Variants in CDH22 observed in about 807,000 individuals in gnomAD.
CDH22 encodes the protein cadherin-22.
Under a neutral mutation model 58.4 loss-of-function variants are expected in CDH22, and 30 were observed. The observed-to-expected ratio is 0.51, with a 90% CI of 0.38 to 0.70. The LOEUF (loss-of-function observed/expected upper bound fraction) is 0.70, where lower values mean the gene tolerates loss of function less well. Ranked by LOEUF, CDH22 falls within the 30% of genes least tolerant of loss-of-function variation. The pLI is 0.00. For missense variants in CDH22, 1,014 were observed against 1,233.9 expected, an observed-to-expected ratio of 0.82 and a Z score of 2.67; for synonymous variants, 513 against 558.2, an observed-to-expected ratio of 0.92 and a Z score of 1.14.
At chr20:46,215,468 G>A (rs73295811) in intron 5 of CDH22, among the ~76,000 whole-genome samples, 3,192 of 152,226 alleles carry the variant, frequency 0.021, 102 homozygotes, top group African/African-American at 0.072. Context: ...TGATGCCTGC[G>A]TAGATGAACA....
At chr20:46,252,765 G>T (rs2086386401) in intron 1 of CDH22, among the ~76,000 whole-genome samples, 2 of 152,236 alleles carry the variant, frequency 1.3e-5, no homozygotes. Context: ...GGGGTGGAAG[G>T]TGAAACCCTT....
In CDH22 at chr20:46,210,349, A is replaced by G; in HGVS notation, c.1244T>C (p.Val415Ala). The G allele has an allele frequency of 2.0e-6, 3 of 1,467,020 alleles. No homozygotes were observed. The highest frequency in any genetic ancestry group is 2.7e-6 in the Non-Finnish European group (3 of 1,113,286). 90.9% of individuals were successfully genotyped at this position (1,467,020 alleles called of 1,614,324 possible). Reference protein sequence around the residue: ...EDAQVGSLVGVVTARDPDAAN... With the variant: ...EDAQVGSLVGAVTARDPDAAN... ...GGCGTCGGGGTCCCGCGCCGTCACC[A>G]CGCCGACCAGGGAGCCCACCTGCGC... The change falls in exon 7 of 12, where the codon GTG becomes GCG. Residue 415 changes from valine (V) to alanine (A), a missense_variant. Physicochemically the swap from Val to Ala is moderately conservative, Grantham distance 64. This residue lies in a region of CDH22 where 806 missense variants were observed against 1,038.7 expected (regional missense o/e 0.78). Coordinates refer to ENST00000537909, the MANE Select transcript of CDH22 (RefSeq NM_021248.3). The surrounding 1 kb of genome is among the most constrained non-coding windows in gnomAD (Gnocchi z 4.5).
At chr20:46,290,245 T>C (rs1354782729) in intron 1 of CDH22, among the ~76,000 whole-genome samples, 11 of 152,192 alleles carry the variant, frequency 7.2e-5, no homozygotes. Context: ...AAGCTCACAA[T>C]ATATAGTCAA....
intron 1 of CDH22, among the ~76,000 whole-genome samples, chr20:46,305,481 C>A (rs1410638755): frequency 1.3e-5 from 2 of 152,220 alleles, no homozygotes; most frequent in Non-Finnish European, 2.9e-5. Flanking sequence ...CAGCCCCTAG[C>A]ACCCTTCCTG....
At chr20:46,202,369 T>A (rs2085967634) in intron 7 of CDH22, among the ~76,000 whole-genome samples, 1 of 151,728 alleles carries the variant, frequency 6.6e-6, no homozygotes, top group Non-Finnish European at 1.5e-5. Context: ...TTTTTTTTTT[T>A]TTGAGACGGA....
At chr20:46,304,144 GGATCCTGAAGTCAGAGACA>G (rs1489007821) in intron 1 of CDH22, among the ~76,000 whole-genome samples, 1 of 152,118 alleles carries the variant, frequency 6.6e-6, no homozygotes, top group Non-Finnish European at 1.5e-5. Context: ...AGTCAGAGAC[GGATCCTGAAGTCAGAGACA>G]GATCCTGGTG....
At chr20:46,206,960 G>A (rs915494636) in intron 7 of CDH22, among the ~76,000 whole-genome samples, 3 of 152,152 alleles carry the variant, frequency 2.0e-5, no homozygotes, top group African/African-American at 7.2e-5. Context: ...TGGCCTGTGA[G>A]GACCCCTTCT....
At chr20:46,301,031 AAGC>A (rs1301664661) in intron 1 of CDH22, among the ~76,000 whole-genome samples, 1 of 152,184 alleles carries the variant, frequency 6.6e-6, no homozygotes, top group African/African-American at 2.4e-5. Context: ...GGGTGAAAAA[AAGC>A]AGGTTACGGA....
intron 1 of CDH22, among the ~76,000 whole-genome samples, chr20:46,304,726 G>A (rs1169910859): frequency 1.3e-5 from 2 of 152,204 alleles, no homozygotes; most frequent in Non-Finnish European, 2.9e-5. Flanking sequence ...CCACATATTC[G>A]GAAAGGTGTG....
intron 3 of CDH22, among the ~76,000 whole-genome samples, chr20:46,233,408 C>A (rs1772733742): frequency 6.6e-6 from 1 of 152,206 alleles, no homozygotes; most frequent in African/African-American, 2.4e-5. Flanking sequence ...ATTTACCAGG[C>A]CCTCTGTTAT....
At chr20:46,175,184 G>T in intron 11 of CDH22, 107 bp from the exon 12 acceptor site, 1 of 1,043,616 alleles carries the variant, frequency 9.6e-7, no homozygotes, top group Non-Finnish European at 1.3e-6. Flanking sequence ...AGCGGGCCCA[G>T]CCTCAACATT....
intron 4 of CDH22, 64 bp from the exon 5 acceptor site, chr20:46,217,057 C>T (rs1197229371): frequency 2.7e-6 from 4 of 1,505,644 alleles, no homozygotes; most frequent in Admixed American, 3.5e-5. Flanking sequence ...GTGGAGACCC[C>T]TGTACAGGCG....
At chr20:46,178,273 C>CA in intron 10 of CDH22, 76 bp from the exon 11 acceptor site, 1 of 1,524,100 alleles carries the variant, frequency 6.6e-7, no homozygotes, top group Non-Finnish European at 8.9e-7. Flanking sequence ...CTCCTGATTG[C>CA]ATCGTGAGAT....
intron 7 of CDH22, among the ~76,000 whole-genome samples, chr20:46,203,514 T>G (rs998296101): frequency 6.6e-6 from 1 of 152,230 alleles, no homozygotes; most frequent in African/African-American, 2.4e-5. Context: ...AGCTCAGCCC[T>G]GGGTCTGGAT....
chr20:46,209,233 G>A (rs919529315), intron 7 of CDH22, among the ~76,000 whole-genome samples: 5 of 152,146 alleles, frequency 3.3e-5, no homozygotes, highest in African/African-American at 7.2e-5. Flanking sequence ...GTGAGAGAGC[G>A]AACTATGGGG....
In CDH22 at chr20:46,174,659, C is replaced by A; in HGVS notation, c.2334G>T (p.Ala778=). The change falls in exon 12 of 12, where the codon GCG becomes GCT. Residue 778 remains alanine, a synonymous_variant. Coordinates refer to ENST00000537909, the MANE Select transcript of CDH22 (RefSeq NM_021248.3). The surrounding 1 kb of genome is among the most constrained non-coding windows in gnomAD (Gnocchi z 4.4). ...DAFQTYAFEG[A]DSPAASLSSL... is the part of the protein sequence containing the mutation. ...AGCTGAGCGAGGCGGCCGGCGAGTCCGCGCCCTCGAAGGCGTAGGTCTGGA... is the reference window on the plus strand; with the variant it reads ...AGCTGAGCGAGGCGGCCGGCGAGTCAGCGCCCTCGAAGGCGTAGGTCTGGA... The A allele has an allele frequency of 6.4e-7, 1 of 1,556,914 alleles. No homozygotes were observed. Among genetic ancestry groups the A allele is most frequent in the East Asian group, 2.3e-5 (1 of 43,130 alleles).
intron 4 of CDH22, among the ~76,000 whole-genome samples, chr20:46,221,831 G>T (rs1490984641): frequency 6.6e-6 from 1 of 152,174 alleles, no homozygotes; most frequent in Non-Finnish European, 1.5e-5. Context: ...AGATCTAGGG[G>T]TACAAATATT....
intron 6 of CDH22, 144 bp downstream of exon 6, chr20:46,212,851 G>A: frequency 1.5e-6 from 1 of 653,914 alleles, no homozygotes; most frequent in South Asian, 1.9e-5. Flanking sequence ...GATACCATCA[G>A]TGTTTTTCCA....
intron 7 of CDH22, among the ~76,000 whole-genome samples, chr20:46,200,604 G>A (rs948536324): frequency 6.6e-6 from 1 of 152,140 alleles, no homozygotes; most frequent in African/African-American, 2.4e-5. Context: ...TCCCTAAGAG[G>A]TGCCCCTGGA....
Sources: allele counts gnomAD v4.1 joint callset (sites outside exome capture counted in the v4.1 genomes callset), GRCh38; gene constraint gnomAD v4.1.1; regional missense constraint gnomAD v4.1.1; non-coding constraint Gnocchi (gnomAD v3.1); transcripts MANE v1.5; gene names NCBI Gene and HGNC (gene_info 2026-07-23, HGNC 2026-07-21).